The following ALG9 variants were observed in gnomAD, a reference collection of about 807,000 sequenced individuals.
The protein encoded by ALG9 is ALG9 alpha-1,2-mannosyltransferase.
Under a neutral mutation model 81.8 loss-of-function variants are expected in ALG9, and 55 were observed. The observed-to-expected ratio is 0.67, with a 90% confidence interval of 0.54 to 0.84. The LOEUF (loss-of-function observed/expected upper bound fraction) is 0.84, where lower values mean the gene tolerates loss of function less well. ALG9 is among the 40% of genes least tolerant of loss of function. ALG9 has a pLI of 0.00. For synonymous variants in ALG9, 278 were observed against 274.3 expected (o/e 1.01, Z -0.13); for missense variants, 629 against 745.0 (o/e 0.84, Z 1.81).
At chr11:111,847,761 T>C (rs1273748542) in intron 8 of ALG9, among the ~76,000 whole-genome samples, 1 of 152,158 alleles carries the variant, frequency 6.6e-6, no homozygotes, top group Non-Finnish European at 1.5e-5. Flanking sequence ...ACACTCCTTC[T>C]TTCTTCAACA....
intron 14 of ALG9, among the ~76,000 whole-genome samples, chr11:111,804,444 G>A (rs1342022592): frequency 1.3e-5 from 2 of 152,084 alleles, no homozygotes; most frequent in Non-Finnish European, 2.9e-5. Context: ...TCAACAATAA[G>A]ACTGGGTGTG....
chr11:111,818,392 C>A (rs1279719833), intron 13 of ALG9, among the ~76,000 whole-genome samples: 2 of 152,108 alleles, frequency 1.3e-5, no homozygotes, highest in African/African-American at 4.8e-5. Context: ...TCTTGTGGGA[C>A]CACCATCAAA....
At chr11:111,768,929 C>T in the ALG9 span, 1 of 151,610 alleles carries the variant, frequency 6.6e-6, no homozygotes, top group South Asian at 2.1e-4. Context: ...TTTAATACTA[C>T]CCAACTTGGA....
chr11:111,815,228 G>A (rs1164638997), intron 13 of ALG9, among the ~76,000 whole-genome samples: 1 of 152,006 alleles, frequency 6.6e-6, no homozygotes, highest in Non-Finnish European at 1.5e-5. Flanking sequence ...GTGACAGCTC[G>A]TCTCTACAAA....
intron 13 of ALG9, among the ~76,000 whole-genome samples, chr11:111,829,831 A>C (rs1954037912): frequency 6.6e-6 from 1 of 152,222 alleles, no homozygotes; most frequent in African/African-American, 2.4e-5. Context: ...GGGACACAGC[A>C]CAGAGTAAGC....
intron 13 of ALG9, among the ~76,000 whole-genome samples, chr11:111,826,536 A>G (rs894562468): frequency 3.9e-5 from 6 of 151,976 alleles, no homozygotes; most frequent in Non-Finnish European, 8.8e-5. Flanking sequence ...TATTTTTTTC[A>G]GACAGAGTCT....
At chr11:111,776,028 T>C in the ALG9 span, among the ~76,000 whole-genome samples, 1 of 152,144 alleles carries the variant, frequency 6.6e-6, no homozygotes, top group African/African-American at 2.4e-5. Context: ...ATAAGGTTGT[T>C]GTGACGACTA....
At chr11:111,777,240 G>A (rs1278954112), downstream of ALG9, among the ~76,000 whole-genome samples, 4 of 152,218 alleles carry the variant, frequency 2.6e-5, no homozygotes, top group Admixed American at 6.5e-5. Context: ...TCCTCGACCA[G>A]TAGGGAGTCA....
At chr11:111,856,781 T>C (rs7130984) in intron 6 of ALG9, among the ~76,000 whole-genome samples, 7,668 of 151,952 alleles carry the variant, frequency 0.05, 637 homozygotes, top group African/African-American at 0.17. Flanking sequence ...TACAAGGAGC[T>C]TGGTGGAAAA....
At chr11:111,834,628 A>T (rs1555115856) in intron 13 of ALG9, among the ~76,000 whole-genome samples, 1 of 152,186 alleles carries the variant, frequency 6.6e-6, no homozygotes, top group African/African-American at 2.4e-5. Context: ...AGGCCTACTC[A>T]ACTCCAAAGT....
intron 14 of ALG9, among the ~76,000 whole-genome samples, chr11:111,788,197 G>C (rs1946755314): frequency 1.3e-5 from 2 of 152,142 alleles, no homozygotes; most frequent in Admixed American, 6.5e-5. Context: ...TGTACTGGCA[G>C]CCTAACCTTG....
At chr11:111,857,440 T>C (rs1958883928) in intron 6 of ALG9, among the ~76,000 whole-genome samples, 162 bp downstream of exon 6, 1 of 152,230 alleles carries the variant, frequency 6.6e-6, no homozygotes. Flanking sequence ...TTAGAATTAA[T>C]CATAATAGTA....
At chr11:111,865,350 A>G (rs1377908084) in intron 3 of ALG9, 99 bp from the exon 4 acceptor site, 14 of 898,278 alleles carry the variant, frequency 1.6e-5, no homozygotes, top group Non-Finnish European at 2.1e-5. Flanking sequence ...AACACTGTAA[A>G]TTGGTATAAT....
intron 14 of ALG9, among the ~76,000 whole-genome samples, chr11:111,803,108 A>T (rs1555081890): frequency 6.6e-6 from 1 of 152,226 alleles, no homozygotes; most frequent in Admixed American, 6.5e-5. Context: ...ATAAAATCTC[A>T]ATCAAAATCC....
At chr11:111,805,319 TGAGAAGTA>T (rs1949754507) in intron 14 of ALG9, 1 of 456,108 alleles carries the variant, frequency 2.2e-6, no homozygotes, top group Non-Finnish European at 4.4e-6. Flanking sequence ...TTCAAAACTG[TGAGAAGTA>T]AACGTTTGTT....
intron 14 of ALG9, among the ~76,000 whole-genome samples, chr11:111,804,291 G>T (rs149749239): frequency 5.9e-5 from 9 of 152,198 alleles, no homozygotes; most frequent in African/African-American, 2.2e-4. Context: ...TGAGAAGATG[G>T]ACTTCATTAA....
At chr11:111,805,658 G>A (rs1390491214) in intron 14 of ALG9, among the ~76,000 whole-genome samples, 1 of 152,192 alleles carries the variant, frequency 6.6e-6, no homozygotes, top group Non-Finnish European at 1.5e-5. Flanking sequence ...ATGTAGTGGG[G>A]GAGAATAGAG....
intron 8 of ALG9, among the ~76,000 whole-genome samples, chr11:111,847,941 C>T (rs1957167364): frequency 6.6e-6 from 1 of 152,182 alleles, no homozygotes; most frequent in Non-Finnish European, 1.5e-5. Context: ...TCTTCTCCCA[C>T]CCTCAACTCA....
intron 13 of ALG9, chr11:111,829,293 T>C (rs545783245): frequency 6.6e-6 from 1 of 152,302 alleles, no homozygotes; most frequent in African/African-American, 2.4e-5. Context: ...GAAACAAAAA[T>C]GTGTTTCATT....
Sources: allele counts gnomAD v4.1 joint callset (sites outside exome capture counted in the v4.1 genomes callset), GRCh38; gene constraint gnomAD v4.1.1; transcripts MANE v1.5; gene names NCBI Gene and HGNC (gene_info 2026-07-23, HGNC 2026-07-21).